Variants in LRRC8C observed in about 807,000 individuals in gnomAD.
LRRC8C encodes volume-regulated anion channel subunit LRRC8C.
LRRC8C carries 20 observed loss-of-function variants against 55.3 expected under a neutral mutation model. The observed-to-expected ratio is 0.36, with a 90% CI of 0.25 to 0.53. LRRC8C has a LOEUF of 0.53. Ranked by LOEUF, LRRC8C falls within the 20% of genes least tolerant of loss-of-function variation. The pLI is 0.92. For missense variants in LRRC8C, 659 were observed against 951.4 expected (o/e 0.69, Z 4.04); for synonymous variants, 376 against 360.7 (o/e 1.04, Z -0.48).
the LRRC8C span, among the ~76,000 whole-genome samples, chr1:89,621,235 C>A: frequency 7.0e-4 from 105 of 149,392 alleles, 1 homozygote; most frequent in Non-Finnish European, 1.2e-3. Context: ...CCAAGGCGGG[C>A]AGATCATGAG....
intron 2 of LRRC8C, among the ~76,000 whole-genome samples, chr1:89,702,985 A>T (rs112843857): frequency 0.05 from 7,555 of 152,298 alleles, 620 homozygotes; most frequent in African/African-American, 0.17. Context: ...TGAAAGACAG[A>T]CTGAGAGACA....
Position 89,713,680 on chromosome 1 carries a change from T to C in LRRC8C, c.1110T>C (p.Phe370=). Residue 370 remains phenylalanine, a synonymous_variant, in exon 3 of 3, where the codon TTT becomes TTC. Transcript: ENST00000370454. This position sits in a 1 kb window ranked among gnomAD's most constrained non-coding sequence, Gnocchi z 5.2. ...ATATTCCAGATGTGAAAAATGACTT[T>C]GCTTTTATGCTTCATATGATAGATC... The part of the protein sequence containing the change: ...IDDIPDVKND[F]AFMLHMIDQY... The C allele has an allele frequency of 6.2e-7, 1 of 1,614,208 alleles. No homozygotes were observed. Among genetic ancestry groups the C allele is most frequent in the South Asian group, 1.1e-5 (1 of 91,082 alleles).
At chr1:89,637,799 TAGC>T (rs1656333486) in intron 1 of LRRC8C, among the ~76,000 whole-genome samples, 1 of 152,158 alleles carries the variant, frequency 6.6e-6, no homozygotes, top group Non-Finnish European at 1.5e-5. Context: ...TCTTTTCCAA[TAGC>T]AGGCATAAGA....
intron 1 of LRRC8C, among the ~76,000 whole-genome samples, chr1:89,644,724 C>G (rs1570691622): frequency 1.3e-5 from 2 of 152,170 alleles, no homozygotes; most frequent in African/African-American, 4.8e-5. Flanking sequence ...AGAGATTGCC[C>G]TCAAATCCGC....
intron 1 of LRRC8C, among the ~76,000 whole-genome samples, chr1:89,665,343 G>T (rs1024566188): frequency 5.3e-5 from 8 of 152,104 alleles, no homozygotes; most frequent in African/African-American, 1.7e-4. Context: ...GCATGAAAGG[G>T]TGTTGAATTT....
chr1:89,713,932 T>G lies in LRRC8C; in HGVS notation c.1362T>G (p.Ile454Met). 1 of 1,613,968 alleles carries G rather than the reference T, an allele frequency of 6.2e-7. No individual in the cohort carries two copies. Residue 454 changes from isoleucine (I) to methionine (M), a missense_variant, in exon 3 of 3, where the codon ATT becomes ATG. Physicochemically the swap from Ile to Met is conservative, Grantham distance 10. Coordinates refer to ENST00000370454, the MANE Select transcript of LRRC8C (RefSeq NM_032270.5). This position sits in a 1 kb window ranked among gnomAD's most constrained non-coding sequence, Gnocchi z 5.2. Reference sequence around the variant, plus strand: ...TGCAATCTCTAAAACTTGAAATCATTAAGAACGTAATGATACCAGCCACCA... The same window carrying G: ...TGCAATCTCTAAAACTTGAAATCATGAAGAACGTAATGATACCAGCCACCA... ...TELQSLKLEIIKNVMIPATIA... is the reference protein window; with the variant it reads ...TELQSLKLEIMKNVMIPATIA...
At chr1:89,622,334 A>ATTTTTTT in the LRRC8C span, among the ~76,000 whole-genome samples, 2 of 127,228 alleles carry the variant, frequency 1.6e-5, no homozygotes, top group Non-Finnish European at 1.5e-5. Flanking sequence ...ATACATGTAA[A>ATTTTTTT]ATTTTTTTTT....
intron 1 of LRRC8C, among the ~76,000 whole-genome samples, chr1:89,660,625 T>C (rs1016719829): frequency 6.6e-6 from 1 of 152,214 alleles, no homozygotes; most frequent in Non-Finnish European, 1.5e-5. Context: ...TTAATACCAG[T>C]CCATGTGTTT....
intron 1 of LRRC8C, among the ~76,000 whole-genome samples, chr1:89,672,782 ATATTTATTTATT>A (rs147921862): frequency 2.0e-5 from 3 of 147,588 alleles, no homozygotes; most frequent in African/African-American, 5.3e-5. Context: ...CGTTGACTGG[ATATTTATTTATT>A]TATTTATTTA....
At chr1:89,659,245 G>A (rs1474743061) in intron 1 of LRRC8C, among the ~76,000 whole-genome samples, 1 of 151,966 alleles carries the variant, frequency 6.6e-6, no homozygotes, top group Non-Finnish European at 1.5e-5. Flanking sequence ...TTCTGTAAAG[G>A]AAAATACCCT....
chr1:89,713,299 G>A lies in LRRC8C; in HGVS notation c.729G>A (p.Glu243=). 6.2e-7 allele frequency: 1 copy of A among 1,614,248 alleles called. No individual in the cohort carries two copies. Among genetic ancestry groups the A allele is most frequent in the Non-Finnish European group, 8.5e-7 (1 of 1,180,036 alleles). ...GTGAGCAGGCTAAGGCCTTATTTGA[G>A]AAGGTGAAGAAGTTCAGGCTGCATG... The part of the protein sequence containing the change: ...KEGEQAKALF[E]KVKKFRLHVE... Residue 243 remains glutamate, a synonymous_variant, in exon 3 of 3, where the codon GAG becomes GAA. Transcript: ENST00000370454. The surrounding 1 kb of genome is among the most constrained non-coding windows in gnomAD (Gnocchi z 5.2).
chr1:89,707,777 A>C (rs1035768492), intron 2 of LRRC8C, among the ~76,000 whole-genome samples: 39 of 151,890 alleles, frequency 2.6e-4, no homozygotes, highest in Admixed American at 1.6e-3. Flanking sequence ...GGCTTGACCT[A>C]ATTTTCTTCT....
chr1:89,687,505 T>C (rs1657914085), intron 2 of LRRC8C, among the ~76,000 whole-genome samples: 1 of 152,166 alleles, frequency 6.6e-6, no homozygotes, highest in Non-Finnish European at 1.5e-5. Context: ...GCTGAAGCCA[T>C]GCTTGCAAAT....
intron 1 of LRRC8C, among the ~76,000 whole-genome samples, chr1:89,659,061 T>TTTTG (rs1294718324): frequency 7.4e-4 from 40 of 53,948 alleles, no homozygotes; most frequent in Middle Eastern, 0.01. Flanking sequence ...TTTTTTTTTT[T>TTTTG]TGTGTGTGTG....
chr1:89,686,350 C>G, intron 1 of LRRC8C, 120 bp from the exon 2 acceptor site: 1 of 991,922 alleles, frequency 1.0e-6, no homozygotes, highest in Non-Finnish European at 1.5e-6. Flanking sequence ...ATTGATGTGT[C>G]TTGACAGCTC....
At chr1:89,653,912 A>G (rs1300445340) in intron 1 of LRRC8C, among the ~76,000 whole-genome samples, 1 of 152,210 alleles carries the variant, frequency 6.6e-6, no homozygotes, top group Admixed American at 6.5e-5. Context: ...AAATCATTAT[A>G]TCAAAAAGCT....
intron 2 of LRRC8C, among the ~76,000 whole-genome samples, chr1:89,688,782 G>A (rs1307489428): frequency 6.6e-6 from 1 of 152,244 alleles, no homozygotes; most frequent in Non-Finnish European, 1.5e-5. Context: ...ATAAATGACT[G>A]CTGATTGGTC....
chr1:89,651,567 C>CAAA (rs1179039674), intron 1 of LRRC8C, among the ~76,000 whole-genome samples: 49 of 40,644 alleles, frequency 1.2e-3, no homozygotes, highest in Middle Eastern at 0.01. Flanking sequence ...GACTCTGTCT[C>CAAA]AAAAAAAAAA....
At chr1:89,623,669 C>T in the LRRC8C span, among the ~76,000 whole-genome samples, 4 of 152,140 alleles carry the variant, frequency 2.6e-5, no homozygotes, top group African/African-American at 9.7e-5. Context: ...TTACAGTGAG[C>T]CGAGATCGTG....
Sources: allele counts gnomAD v4.1 joint callset (sites outside exome capture counted in the v4.1 genomes callset), GRCh38; gene constraint gnomAD v4.1.1; non-coding constraint Gnocchi (gnomAD v3.1); transcripts MANE v1.5; gene names NCBI Gene and HGNC (gene_info 2026-07-23, HGNC 2026-07-21).